Variants in CSNK1G3 observed in about 807,000 individuals in gnomAD.
CSNK1G3 encodes casein kinase I isoform gamma-3.
A neutral mutation model predicts 64.3 loss-of-function variants in CSNK1G3; 23 were observed. The ratio of observed to expected loss-of-function variants is 0.36; its 90% CI spans 0.26 to 0.51. The LOEUF (loss-of-function observed/expected upper bound fraction) is 0.51, where lower values mean the gene tolerates loss of function less well. Ranked by LOEUF, CSNK1G3 falls within the 20% of genes least tolerant of loss-of-function variation. The pLI, the probability that CSNK1G3 is intolerant of heterozygous loss-of-function variation, is 0.96. For synonymous variants in CSNK1G3, 158 were observed against 162.2 expected (o/e 0.97, Z 0.20); for missense variants, 357 against 510.5 (o/e 0.70, Z 2.90).
intron 1 of CSNK1G3, among the ~76,000 whole-genome samples, chr5:123,514,705 A>C (rs1044856174): frequency 9.3e-5 from 14 of 151,100 alleles, no homozygotes; most frequent in African/African-American, 3.2e-4. Flanking sequence ...CAAAATGGGG[A>C]CTGAGGGGGT....
At chr5:123,609,320 G>T (rs1236032014) in intron 12 of CSNK1G3, among the ~76,000 whole-genome samples, 2 of 152,120 alleles carry the variant, frequency 1.3e-5, no homozygotes, top group Non-Finnish European at 2.9e-5. Context: ...ACTTCCTGGG[G>T]TTCAGCAGAT....
At chr5:123,535,760 T>C (rs1293356480) in intron 1 of CSNK1G3, among the ~76,000 whole-genome samples, 8 of 152,124 alleles carry the variant, frequency 5.3e-5, no homozygotes, top group Non-Finnish European at 1.2e-4. Flanking sequence ...TTTATAAGAA[T>C]AGTTCTGTTT....
At chr5:123,518,485 G>C (rs1294654993) in intron 1 of CSNK1G3, among the ~76,000 whole-genome samples, 1 of 152,172 alleles carries the variant, frequency 6.6e-6, no homozygotes, top group Non-Finnish European at 1.5e-5. Context: ...GTCATCCTAA[G>C]GCCAGCAGCA....
intron 6 of CSNK1G3, among the ~76,000 whole-genome samples, chr5:123,583,961 G>A (rs1420688949): frequency 1.3e-5 from 2 of 152,056 alleles, no homozygotes; most frequent in Non-Finnish European, 2.9e-5. Flanking sequence ...CAAAAGTGCT[G>A]AGATTACAGG....
chr5:123,545,107 T>C (rs193257004), intron 1 of CSNK1G3, among the ~76,000 whole-genome samples: 18 of 152,294 alleles, frequency 1.2e-4, no homozygotes, highest in Admixed American at 1.1e-3. Flanking sequence ...GAGTACTTTT[T>C]GTCTAATTGA....
rs143038429 is a variant in CSNK1G3 at position 123,593,014 on chromosome 5, T to G, written c.1086+1600T>G. 7.8e-3 allele frequency among the ~76,000 whole-genome samples: 1,178 copies of G among 151,996 alleles called. 16 individuals are homozygous for G. Among genetic ancestry groups the G allele is most frequent in the African/African-American group, 0.027 (1,129 of 41,506 alleles). ...TCTTTGAAATTCTCCACTTGAGCTG[T>G]TAGGTATTATAATAAGTGAAATTCC... On this transcript the variant is annotated intron_variant, in intron 10 of 12. Transcript: ENST00000345990.
At chr5:123,561,678 TA>T (rs1785754967) in intron 4 of CSNK1G3, among the ~76,000 whole-genome samples, 1 of 152,174 alleles carries the variant, frequency 6.6e-6, no homozygotes, top group South Asian at 2.1e-4. Flanking sequence ...CTTCTATTCT[TA>T]AAGTCTAGCT....
intron 1 of CSNK1G3, among the ~76,000 whole-genome samples, chr5:123,538,296 C>G (rs2150172516): frequency 6.6e-6 from 1 of 152,238 alleles, no homozygotes; most frequent in East Asian, 1.9e-4. Context: ...CCCACCAGCA[C>G]TTTTTTGAGA....
intron 12 of CSNK1G3, among the ~76,000 whole-genome samples, chr5:123,609,596 A>G (rs570363068): frequency 6.6e-6 from 1 of 152,344 alleles, no homozygotes; most frequent in East Asian, 1.9e-4. Context: ...ATTATAATAC[A>G]AAGTGACAGA....
At chr5:123,594,920 TAGTA>T in intron 10 of CSNK1G3, 115 bp from the exon 11 acceptor site, 2 of 728,938 alleles carry the variant, frequency 2.7e-6, no homozygotes, top group Non-Finnish European at 4.5e-6. Context: ...TGATTCAGAA[TAGTA>T]AGGGTATTTT....
At chr5:123,583,070 C>T (rs1285095660) in intron 6 of CSNK1G3, among the ~76,000 whole-genome samples, 1 of 152,148 alleles carries the variant, frequency 6.6e-6, no homozygotes, top group African/African-American at 2.4e-5. Flanking sequence ...CACCTTATGA[C>T]CGTGGCTTAT....
intron 6 of CSNK1G3, among the ~76,000 whole-genome samples, chr5:123,584,035 C>A (rs1310989804): frequency 6.6e-6 from 1 of 152,030 alleles, no homozygotes; most frequent in Non-Finnish European, 1.5e-5. Flanking sequence ...TGTAACCTTG[C>A]TAAAACTTAC....
exon 7 of CSNK1G3, chr5:123,588,097 T>G: frequency 6.3e-7 from 1 of 1,591,878 alleles, no homozygotes. Flanking sequence ...TTTAGAAGCT[T>G]TAGGTCATAT....
intron 1 of CSNK1G3, among the ~76,000 whole-genome samples, chr5:123,534,785 GC>G (rs1780516822): frequency 1.3e-5 from 2 of 152,038 alleles, no homozygotes; most frequent in African/African-American, 4.8e-5. Flanking sequence ...GCTAAGCTGT[GC>G]CCAGGCTTTG....
chr5:123,552,659 C>T (rs898284071), intron 2 of CSNK1G3, among the ~76,000 whole-genome samples: 8 of 152,022 alleles, frequency 5.3e-5, no homozygotes, highest in Non-Finnish European at 1.0e-4. Context: ...ATTTAATATA[C>T]TTACTGGATT....
At chr5:123,588,718 C>A (rs1791782465) in intron 8 of CSNK1G3, among the ~76,000 whole-genome samples, 1 of 152,060 alleles carries the variant, frequency 6.6e-6, no homozygotes, top group African/African-American at 2.4e-5. Flanking sequence ...AAAATCCTGT[C>A]TGTTAATAGT....
At chr5:123,573,077 C>T (rs1788447304) in intron 4 of CSNK1G3, among the ~76,000 whole-genome samples, 1 of 152,154 alleles carries the variant, frequency 6.6e-6, no homozygotes, top group African/African-American at 2.4e-5. Flanking sequence ...AAGCCTTTCT[C>T]CAGGCCATGG....
chr5:123,582,321 T>C (rs1790451929), intron 6 of CSNK1G3, among the ~76,000 whole-genome samples: 1 of 152,086 alleles, frequency 6.6e-6, no homozygotes, highest in South Asian at 2.1e-4. Context: ...TGCAGACAAG[T>C]GGGCTGAAAT....
chr5:123,520,103 G>C (rs537690093), intron 1 of CSNK1G3, among the ~76,000 whole-genome samples: 5 of 152,170 alleles, frequency 3.3e-5, no homozygotes, highest in Non-Finnish European at 5.9e-5. Flanking sequence ...AAGACAGGCA[G>C]ACACACACAC....
Sources: gnomAD v4.1 joint callset for allele counts (sites outside exome capture counted in the v4.1 genomes callset) on GRCh38, gnomAD v4.1.1 for gene constraint, MANE v1.5 for transcripts, NCBI Gene and HGNC (gene_info 2026-07-23, HGNC 2026-07-21) for gene names.